FAM227B: variants seen among roughly 807,000 people sequenced by gnomAD.
FAM227B encodes protein FAM227B.
A neutral mutation model predicts 73.8 loss-of-function variants in FAM227B; 88 were observed. That is an observed-to-expected ratio of 1.19 (90% CI 1.00 to 1.42). The LOEUF (loss-of-function observed/expected upper bound fraction) is 1.42, where lower values mean the gene tolerates loss of function less well. Ranked by LOEUF, FAM227B falls within the 40% of genes most tolerant of loss-of-function variation. The pLI is 0.00. For missense variants in FAM227B, 632 were observed against 590.9 expected (o/e 1.07, Z -0.72); for synonymous variants, 210 against 190.5 (o/e 1.10, Z -0.84).
chr15:49,531,284 A>G (rs1020336772), intron 10 of FAM227B, among the ~76,000 whole-genome samples: 1 of 151,866 alleles, frequency 6.6e-6, no homozygotes, highest in Non-Finnish European at 1.5e-5. Flanking sequence ...TATATATATT[A>G]TATACTATGT....
At chr15:49,451,619 G>A (rs892411397) in intron 11 of FAM227B, among the ~76,000 whole-genome samples, 29 of 151,800 alleles carry the variant, frequency 1.9e-4, no homozygotes, top group African/African-American at 6.8e-4. Context: ...CACATTCATT[G>A]ACCTTGATAA....
At chr15:49,357,421 GAAAT>G (rs2043353237) in intron 13 of FAM227B, among the ~76,000 whole-genome samples, 1 of 151,196 alleles carries the variant, frequency 6.6e-6, no homozygotes, top group Non-Finnish European at 1.5e-5. Flanking sequence ...CGATCCCACA[GAAAT>G]ACAAACTACC....
At chr15:49,427,327 G>C (rs943575509) in intron 11 of FAM227B, among the ~76,000 whole-genome samples, 1 of 152,014 alleles carries the variant, frequency 6.6e-6, no homozygotes, top group African/African-American at 2.4e-5. Flanking sequence ...ATAAATGAAT[G>C]AAAGAATGTT....
chr15:49,546,230 CA>C (rs2071855356), intron 9 of FAM227B, among the ~76,000 whole-genome samples: 1 of 151,938 alleles, frequency 6.6e-6, no homozygotes, highest in South Asian at 2.1e-4. Context: ...GTCCTTGCAA[CA>C]GTTTGCTGAG....
chr15:49,504,319 C>T (rs2058401536), intron 11 of FAM227B, among the ~76,000 whole-genome samples: 1 of 151,098 alleles, frequency 6.6e-6, no homozygotes. Flanking sequence ...GAGACATACC[C>T]AATGTAAATG....
At chr15:49,429,842 T>A (rs1424372680) in intron 11 of FAM227B, among the ~76,000 whole-genome samples, 3 of 151,894 alleles carry the variant, frequency 2.0e-5, no homozygotes, top group Non-Finnish European at 4.4e-5. Context: ...TAAGTCAGAA[T>A]CTCACAAAGG....
At chr15:49,474,313 T>C (rs2055048598) in intron 11 of FAM227B, among the ~76,000 whole-genome samples, 1 of 152,200 alleles carries the variant, frequency 6.6e-6, no homozygotes, top group African/African-American at 2.4e-5. Context: ...ATGGGAAGCA[T>C]GATCAATGTC....
chr15:49,447,147 A>C (rs12595497), intron 11 of FAM227B, among the ~76,000 whole-genome samples: 3,542 of 151,780 alleles, frequency 0.023, 87 homozygotes, highest in South Asian at 0.13. Flanking sequence ...GCTTTCAAAA[A>C]GTATTTCTTG....
At chr15:49,570,337 A>G (rs1329304962) in intron 8 of FAM227B, among the ~76,000 whole-genome samples, 1 of 151,906 alleles carries the variant, frequency 6.6e-6, no homozygotes, top group Non-Finnish European at 1.5e-5. Flanking sequence ...AAAATCTCAC[A>G]CATCAAACAG....
intron 9 of FAM227B, among the ~76,000 whole-genome samples, chr15:49,550,344 C>T (rs2072754877): frequency 6.7e-6 from 1 of 149,492 alleles, no homozygotes; most frequent in Non-Finnish European, 1.5e-5. Flanking sequence ...GCTGACCCCC[C>T]CACCTCCCTC....
intron 11 of FAM227B, among the ~76,000 whole-genome samples, chr15:49,376,597 A>T (rs1214132245): frequency 2.0e-5 from 3 of 152,066 alleles, no homozygotes; most frequent in African/African-American, 4.8e-5. Context: ...TGATTTGGTT[A>T]TTCTTGTTCC....
At chr15:49,560,928 C>T (rs1022946572) in intron 9 of FAM227B, among the ~76,000 whole-genome samples, 1 of 152,028 alleles carries the variant, frequency 6.6e-6, no homozygotes, top group Admixed American at 6.6e-5. Flanking sequence ...CAAAATTAAA[C>T]TTAAGTATAT....
chr15:49,373,346 A>G (rs2045963275), intron 11 of FAM227B, among the ~76,000 whole-genome samples: 1 of 152,008 alleles, frequency 6.6e-6, no homozygotes, highest in South Asian at 2.1e-4. Flanking sequence ...TTGCAAAGAA[A>G]CTCATCTACA....
chr15:49,345,049 G>C (rs933207890), intron 13 of FAM227B, among the ~76,000 whole-genome samples: 2 of 152,152 alleles, frequency 1.3e-5, no homozygotes, highest in Non-Finnish European at 2.9e-5. Context: ...CTTCCTCAGA[G>C]TGCCTGTTAG....
chr15:49,531,049 A>G (rs1171629059), intron 10 of FAM227B, among the ~76,000 whole-genome samples: 3 of 151,722 alleles, frequency 2.0e-5, no homozygotes, highest in African/African-American at 7.2e-5. Flanking sequence ...AAATACAAGG[A>G]TAATACACAG....
chr15:49,525,704 A>G (rs1186596599), intron 10 of FAM227B, among the ~76,000 whole-genome samples: 1 of 87,596 alleles, frequency 1.1e-5, no homozygotes, highest in Admixed American at 1.1e-4. Flanking sequence ...ATATATATAT[A>G]TATATATATA....
intron 2 of FAM227B, among the ~76,000 whole-genome samples, chr15:49,614,207 G>T (rs1454379848): frequency 6.6e-6 from 1 of 152,070 alleles, no homozygotes; most frequent in Admixed American, 6.6e-5. Flanking sequence ...GTTTCTTTTG[G>T]GGTAAAATTA....
rs577678652 is a variant in FAM227B, at chr15:49,408,375, T to C, written c.1013-36976A>G. 9.6e-4 allele frequency among the ~76,000 whole-genome samples: 146 copies of C among 152,324 alleles called. 5 individuals are homozygous for C. The South Asian group carries it at 0.028, about 29-fold the overall frequency. On this transcript the variant is annotated intron_variant, in intron 11 of 15. Coordinates refer to ENST00000299338, the MANE Select transcript of FAM227B (RefSeq NM_152647.3). ...AGAAACTTTCAATATTTTCTACTTA[T>C]TGTTTGAGTTCAGAGGTTTCACCAT...
intron 10 of FAM227B, among the ~76,000 whole-genome samples, chr15:49,537,097 C>G (rs1224066517): frequency 1.3e-5 from 2 of 151,830 alleles, no homozygotes; most frequent in African/African-American, 4.8e-5. Flanking sequence ...GTCTTCTGCA[C>G]GTCAAAGAAA....
Sources: allele counts gnomAD v4.1 joint callset (sites outside exome capture counted in the v4.1 genomes callset), GRCh38; gene constraint gnomAD v4.1.1; transcripts MANE v1.5; gene names NCBI Gene and HGNC (gene_info 2026-07-23, HGNC 2026-07-21).